LRP10: variants seen among roughly 807,000 people sequenced by gnomAD.
LRP10 encodes low-density lipoprotein receptor-related protein 10.
LRP10 carries 42 observed loss-of-function variants against 58.5 expected under a neutral mutation model. The ratio of observed to expected loss-of-function variants is 0.72; its 90% CI spans 0.56 to 0.93. LRP10 has a LOEUF of 0.93. LRP10 is among the 40% of genes least tolerant of loss of function. The pLI is 0.00. For missense variants in LRP10, 872 were observed against 940.1 expected (o/e 0.93, Z 0.95); for synonymous variants, 377 against 388.5 (o/e 0.97, Z 0.35).
Position 22,872,342 on chromosome 14 carries a change from G to A in LRP10, c.34+5G>A, listed in dbSNP as rs992306546. The A allele has an allele frequency of 5.6e-6, 9 of 1,613,960 alleles. No homozygotes were observed. The highest frequency in any genetic ancestry group is 1.3e-5 in the African/African-American group (1 of 74,990). On this transcript the variant is annotated splice_donor_5th_base_variant and intron_variant, in intron 1 of 6. Coordinates refer to ENST00000359591, the MANE Select transcript of LRP10 (RefSeq NM_014045.5). Reference sequence around the variant, plus strand: ...CCCTCCTCCTCCTCCTCCTTGGTAAGAACCGAAACGATACCAACCCCCAGC... The same window carrying A: ...CCCTCCTCCTCCTCCTCCTTGGTAAAAACCGAAACGATACCAACCCCCAGC...
chr14:22,876,264 G>T lies in LRP10; in HGVS notation c.1316G>T (p.Arg439Leu), dbSNP rs746149096. The change falls in exon 5 of 7, where the codon CGC becomes CTC. Residue 439 changes from arginine to leucine, a missense_variant. Coordinates refer to ENST00000359591, the MANE Select transcript of LRP10 (RefSeq NM_014045.5). The stretch of plus-strand genomic sequence containing the variant: ...TGGGACTGCTCCTATGTTCTGCCCC[G>T]CAAGGTCATTACAGCTGCAGTCATT... Reference protein sequence around the residue: ...DEWDCSYVLPRKVITAAVIGS... With the variant: ...DEWDCSYVLPLKVITAAVIGS... 6.2e-7 allele frequency: 1 copy of T among 1,614,136 alleles called. No homozygotes were observed. Among genetic ancestry groups the T allele is most frequent in the African/African-American group, 1.3e-5 (1 of 75,058 alleles).
rs531055353 is a variant in LRP10, at chr14:22,872,692, C to CCTTA, written c.35-44_35-43insTACT. ...AGTTGCTCAGGTGAAGAAGAAAACT[C>CCTTA]CTAAGGAGTGTCTCACGCTCCTGCC... On this transcript the variant is annotated intron_variant, in intron 1 of 6. Transcript: ENST00000359591. The CCTTA allele has an allele frequency of 5.9e-4, 950 of 1,601,994 alleles. 15 individuals carry two copies. The South Asian group carries it at 9.9e-3, about 17-fold the overall frequency.
rs376275192 is a variant in LRP10, at chr14:22,875,480, C to A, written c.532C>A (p.Pro178Thr). ...TGATGAAGCAGGTTGCAGCTCAGAC[C>A]CCTTCCCTGGCCTGACCCCAAGACC... ...GSDEAGCSSD[P>T]FPGLTPRPVP... The change falls in exon 5 of 7, where the codon CCC (proline) becomes ACC (threonine). Residue 178 changes from proline to threonine, a missense_variant. Coordinates refer to ENST00000359591, the MANE Select transcript of LRP10 (RefSeq NM_014045.5). 5.0e-6 allele frequency: 8 copies of A among 1,614,074 alleles called. No individual in the cohort carries two copies. Among genetic ancestry groups the A allele is most frequent in the Non-Finnish European group, 6.8e-6 (8 of 1,180,040 alleles).
At position 22,873,462 on chromosome 14, in the gene LRP10, AG is replaced by A. The variant is rs1300229371; in HGVS notation, c.215+17del. The stretch of plus-strand genomic sequence containing the variant: ...TCACCATCAGGTGAGAAGCAGAACA[AG>A]AGCAAGAACCCATTCTTCTCCCCTG... On this transcript the variant is annotated intron_variant, in intron 3 of 6. Transcript: ENST00000359591. The A allele has an allele frequency of 6.2e-7, 1 of 1,613,694 alleles. No homozygotes were observed. The highest frequency in any genetic ancestry group is 2.2e-5 in the East Asian group (1 of 44,886).
In LRP10 at chr14:22,875,362, G is replaced by A; in HGVS notation, c.414G>A (p.Leu138=). Residue 138 remains leucine, a synonymous_variant, in exon 5 of 7, where the codon CTG becomes CTA. Transcript: ENST00000359591. ...GFLLSYSQDW[L]MCLQEEFQCL... Reference sequence around the variant, plus strand: ...TCCATGGTGCCTCTGCAGATTGGCTGATGTGCCTGCAGGAAGAGTTTCAGT... The same window carrying A: ...TCCATGGTGCCTCTGCAGATTGGCTAATGTGCCTGCAGGAAGAGTTTCAGT... 2 of 1,611,240 alleles carry A rather than the reference G, an allele frequency of 1.2e-6. No homozygotes were observed. The highest frequency in any genetic ancestry group is 1.7e-6 in the Non-Finnish European group (2 of 1,177,922).
At position 22,878,804 on chromosome 14, in the gene LRP10, G is replaced by A. The variant is rs903701870; in HGVS notation, c.*1277G>A. 1.1e-4 allele frequency: 22 copies of A among 192,930 alleles called. No individual in the cohort carries two copies. The highest frequency in any genetic ancestry group is 6.6e-4 in the Admixed American group (13 of 19,612). The allele number at this position is 192,930 out of a possible 1,614,324, so 12.0% of individuals were successfully genotyped here. A position where few individuals can be genotyped will look rare whatever the true frequency, so the allele number is the denominator to read the frequency against. ...CCCTGGGCCTGAGAGCACAAGCAGC[G>A]GCCAGAGCTGCAGCGCTGGGGTGGG... On this transcript the variant is annotated 3_prime_UTR_variant, in exon 7 of 7. Transcript: ENST00000359591.
In LRP10 at chr14:22,877,077, C is replaced by T. The variant is rs767079366; in HGVS notation, c.1692C>T (p.Gly564=). The T allele has an allele frequency of 8.1e-6, 13 of 1,613,900 alleles. No homozygotes were observed. The Admixed American group carries it at 1.8e-4, about 23-fold the overall frequency. ...TGGTACGCCGTCTCCGCCGCTGGGG[C>T]TTGCTCCCTCGAACCAACACCCCGG... The part of the protein sequence containing the change: ...RRLVRRLRRW[G]LLPRTNTPAR... The change falls in exon 7 of 7, where the codon GGC becomes GGT. Residue 564 remains glycine, a synonymous_variant. Transcript: ENST00000359591. This position sits in a 1 kb window ranked among gnomAD's most constrained non-coding sequence, Gnocchi z 5.1.
chr14:22,875,048 C>T lies in LRP10; in HGVS notation c.216-7C>T. The T allele has an allele frequency of 2.6e-6, 4 of 1,553,460 alleles. No homozygotes were observed. The highest frequency in any genetic ancestry group is 3.5e-6 in the Non-Finnish European group (4 of 1,147,544). On this transcript the variant is annotated splice_region_variant and splice_polypyrimidine_tract_variant and intron_variant, in intron 3 of 6. Transcript: ENST00000359591. Reference sequence around the variant, plus strand: ...ATCTCATGTCCTGCTCTCCTCTACTCCCATAGGTTCCAGAAGCTACACCTG... The same window carrying T: ...ATCTCATGTCCTGCTCTCCTCTACTTCCATAGGTTCCAGAAGCTACACCTG...
rs536250234 is a variant in LRP10, at chr14:22,879,985, G to A, written c.*2458G>A. ...CAAGGTGCTTGGTCTTAGCGGTGTG[G>A]GACCCACGTTAAGGCTCTTGGTGGG... On this transcript the variant is annotated 3_prime_UTR_variant, in exon 7 of 7. Transcript: ENST00000359591. The A allele has an allele frequency of 1.3e-5, 2 of 152,298 alleles. No individual in the cohort carries two copies. Among genetic ancestry groups the A allele is most frequent in the South Asian group, 2.1e-4 (1 of 4,814 alleles). 9.4% of individuals were successfully genotyped at this position (152,298 alleles called of 1,614,324 possible).
chr14:22,872,971 T>C (rs1175638662), intron 2 of LRP10, 189 bp downstream of exon 2: 2 of 636,526 alleles, frequency 3.1e-6, no homozygotes, highest in Non-Finnish European at 2.7e-6. Flanking sequence ...TGTACTATTT[T>C]ATTTTTTCTG....
In LRP10 at chr14:22,872,440, CCCAGCCCCTGCCG is replaced by C; in HGVS notation, c.34+112_34+124del. ...CACTCTATCCTGCCTGCCCATTCCC[CCCAGCCCCTGCCG>C]CCAGCCCCAGCACTGCCGGCCCCAA... On this transcript the variant is annotated intron_variant, in intron 1 of 6. Coordinates refer to ENST00000359591, the MANE Select transcript of LRP10 (RefSeq NM_014045.5). The C allele has an allele frequency of 4.3e-6, 6 of 1,409,196 alleles. No homozygotes were observed. In the South Asian group the frequency reaches 7.1e-5, roughly 17 times the overall value. 87.3% of individuals were successfully genotyped at this position (1,409,196 alleles called of 1,614,324 possible). A position where few individuals can be genotyped will look rare whatever the true frequency, so the allele number is the denominator to read the frequency against.
At chr14:22,874,817 G>C (rs977424881) in intron 3 of LRP10, among the ~76,000 whole-genome samples, 1 of 152,188 alleles carries the variant, frequency 6.6e-6, no homozygotes, top group Non-Finnish European at 1.5e-5. Flanking sequence ...AACCCAAGAG[G>C]TGGAGGTTGC....
chr14:22,875,171 A>C lies in LRP10; in HGVS notation c.332A>C (p.Asn111Thr), dbSNP rs970331881. 1 of 1,613,480 alleles carries C rather than the reference A, an allele frequency of 6.2e-7. No individual in the cohort carries two copies. Among genetic ancestry groups the C allele is most frequent in the Non-Finnish European group, 8.5e-7 (1 of 1,179,798 alleles). The stretch of plus-strand genomic sequence containing the variant: ...AGCCCTCTGCAGCTGCCCGGGGGCA[A>C]CGTCACCATCACTTACAGCTATGCT... Reference protein sequence around the residue: ...PPSPLQLPGGNVTITYSYAGA... With the variant: ...PPSPLQLPGGTVTITYSYAGA... Residue 111 changes from asparagine (N) to threonine (T), a missense_variant, in exon 4 of 7, where the codon AAC becomes ACC. By Grantham distance (65) the Asn-to-Thr change is moderately conservative. Coordinates refer to ENST00000359591, the MANE Select transcript of LRP10 (RefSeq NM_014045.5).
In LRP10 at chr14:22,871,887, G is replaced by A. The variant is rs2039957405; in HGVS notation, c.-417G>A. On this transcript the variant is annotated 5_prime_UTR_variant, in exon 1 of 7. Transcript: ENST00000359591. ...CGCTGGAGGAGTGGAGCAGCACCCG[G>A]CCGGCCCTGGGGGCTGACAGTCGGC... 3 of 250,784 alleles carry A rather than the reference G, an allele frequency of 1.2e-5. No individual in the cohort carries two copies. Among genetic ancestry groups the A allele is most frequent in the Admixed American group, 1.1e-4 (2 of 17,838 alleles). The allele number at this position is 250,784 out of a possible 1,614,324, so 15.5% of individuals were successfully genotyped here. A position where few individuals can be genotyped will look rare whatever the true frequency, so the allele number is the denominator to read the frequency against.
chr14:22,873,183 C>G, intron 2 of LRP10, 128 bp from the exon 3 acceptor site: 1 of 1,104,920 alleles, frequency 9.1e-7, no homozygotes, highest in East Asian at 2.4e-5. Flanking sequence ...TGTGTGTGGG[C>G]AGGGGCAGAT....
In LRP10 at chr14:22,879,061, CTGTCACCCAGCCTAGCCCCA is replaced by C. The variant is rs1313611150; in HGVS notation, c.*1535_*1554del. ...TGTCTAGCCCCACACCTGGCAGAGC[CTGTCACCCAGCCTAGCCCCA>C]CGCCTGGCAGAGCCCATCACCCAGC... On this transcript the variant is annotated 3_prime_UTR_variant, in exon 7 of 7. Coordinates refer to ENST00000359591, the MANE Select transcript of LRP10 (RefSeq NM_014045.5). The C allele has an allele frequency of 1.3e-5, 5 of 395,352 alleles. No individual in the cohort carries two copies. The highest frequency in any genetic ancestry group is 5.3e-6 in the Non-Finnish European group (1 of 189,940). The allele number at this position is 395,352 out of a possible 1,614,324, so 24.5% of individuals were successfully genotyped here. A position where few individuals can be genotyped will look rare whatever the true frequency, so the allele number is the denominator to read the frequency against.
At position 22,876,376 on chromosome 14, in the gene LRP10, AG is replaced by A. The variant is rs778728855; in HGVS notation, c.1424+5del. 2 of 1,611,950 alleles carry A rather than the reference AG, an allele frequency of 1.2e-6. No individual in the cohort carries two copies. The highest frequency in any genetic ancestry group is 4.5e-5 in the East Asian group (2 of 44,836). ...CCATTCGCACCCAGGAGTACAGGTC[AG>A]TGGGAGTGGGGCTGGCAGTAGAAGA... is the stretch of plus-strand genomic sequence containing the variant. On this transcript the variant is annotated splice_donor_5th_base_variant and intron_variant, in intron 5 of 6. Coordinates refer to ENST00000359591, the MANE Select transcript of LRP10 (RefSeq NM_014045.5).
rs2040038937 is a variant in LRP10 at position 22,879,304 on chromosome 14, C to T, written c.*1777C>T. On this transcript the variant is annotated 3_prime_UTR_variant, in exon 7 of 7. Transcript: ENST00000359591. ...AGACCCGAGCTCCTTTCACTGCAGACCCTCTCCAGAGACTGGGGAGAGGGC... is the reference window on the plus strand; with the variant it reads ...AGACCCGAGCTCCTTTCACTGCAGATCCTCTCCAGAGACTGGGGAGAGGGC... 2.3e-6 allele frequency: 1 copy of T among 430,890 alleles called. No homozygotes were observed. 26.7% of individuals were successfully genotyped at this position (430,890 alleles called of 1,614,324 possible). A position where few individuals can be genotyped will look rare whatever the true frequency, so the allele number is the denominator to read the frequency against.
chr14:22,874,923 T>G, intron 3 of LRP10, 132 bp from the exon 4 acceptor site: 2 of 514,498 alleles, frequency 3.9e-6, no homozygotes, highest in Non-Finnish European at 6.6e-6. Flanking sequence ...TGAGTTTTCA[T>G]TTGGCCATTT....
Sources: allele counts gnomAD v4.1 joint callset (sites outside exome capture counted in the v4.1 genomes callset), GRCh38; gene constraint gnomAD v4.1.1; non-coding constraint Gnocchi (gnomAD v3.1); transcripts MANE v1.5; gene names NCBI Gene and HGNC (gene_info 2026-07-23, HGNC 2026-07-21).